SRD5A3: variants seen among roughly 807,000 people sequenced by gnomAD.
SRD5A3 encodes polyprenal reductase.
SRD5A3 carries 24 observed loss-of-function variants against 34.3 expected under a neutral mutation model. The ratio of observed to expected loss-of-function variants is 0.70; its 90% CI spans 0.51 to 0.99. The LOEUF is 0.99. Among genes scored for constraint, SRD5A3 ranks in the 50% least tolerant of loss-of-function variants. The probability of loss-of-function intolerance (pLI) is 0.00; values close to 1 mark genes in which losing one functional copy is unlikely to be tolerated. For synonymous variants in SRD5A3, 161 were observed against 167.3 expected (o/e 0.96, Z 0.29); for missense variants, 350 against 388.2 (o/e 0.90, Z 0.83).
intron 4 of SRD5A3, among the ~76,000 whole-genome samples, chr4:55,369,425 T>C (rs819266): frequency 0.28 from 42,674 of 152,098 alleles, 6,254 homozygotes; most frequent in South Asian, 0.4. Flanking sequence ...TGTATGATAC[T>C]CTTTTCTAAA....
chr4:55,369,947 G>T lies in SRD5A3; in HGVS notation c.813G>T (p.Gly271=). Residue 271 remains glycine (G), a synonymous_variant, in exon 5 of 5, where the codon GGG becomes GGT. Coordinates refer to ENST00000264228, the MANE Select transcript of SRD5A3 (RefSeq NM_024592.5). The part of the protein sequence containing the change: ...MIYVSMAVTF[G]FHNLTWWLVV... ...ACGTTTCCATGGCCGTCACCTTTGG[G>T]TTCCACAACTTAACTTGGTGGCTAG... 4 of 1,614,116 alleles carry T rather than the reference G, an allele frequency of 2.5e-6. No homozygotes were observed. The highest frequency in any genetic ancestry group is 3.4e-6 in the Non-Finnish European group (4 of 1,180,040).
intron 1 of SRD5A3, chr4:55,352,126 C>T: frequency 1.2e-6 from 1 of 809,640 alleles, no homozygotes; most frequent in Non-Finnish European, 2.2e-6. Flanking sequence ...ACTTGGTATA[C>T]AGACAGTCCA....
intron 2 of SRD5A3, among the ~76,000 whole-genome samples, chr4:55,361,918 G>T (rs1396941188): frequency 6.6e-6 from 1 of 152,094 alleles, no homozygotes; most frequent in East Asian, 1.9e-4. Context: ...GACTGACTGG[G>T]GTGTTTTGGT....
rs570987822 is a variant in SRD5A3 at position 55,363,795 on chromosome 4, G to A, written c.365-279G>A. 3.9e-5 allele frequency among the ~76,000 whole-genome samples: 6 copies of A among 152,268 alleles called. No homozygotes were observed. In the East Asian group the frequency reaches 1.2e-3, roughly 29 times the overall value. On this transcript the variant is annotated intron_variant, in intron 2 of 4. Coordinates refer to ENST00000264228, the MANE Select transcript of SRD5A3 (RefSeq NM_024592.5). Reference sequence around the variant, plus strand: ...CCAGAAACCCACAGACCTCTTCACAGACCTCCTGACCGTGATGTCCCTGAA... The same window carrying A: ...CCAGAAACCCACAGACCTCTTCACAAACCTCCTGACCGTGATGTCCCTGAA...
intron 1 of SRD5A3, among the ~76,000 whole-genome samples, chr4:55,349,353 A>T (rs1446536666): frequency 6.6e-6 from 1 of 152,206 alleles, no homozygotes; most frequent in African/African-American, 2.4e-5. Flanking sequence ...AGTACTCTTA[A>T]AAATGAAAAT....
intron 2 of SRD5A3, 83 bp downstream of exon 2, chr4:55,359,571 TCTC>T: frequency 6.3e-7 from 1 of 1,581,878 alleles, no homozygotes; most frequent in Non-Finnish European, 8.6e-7. Context: ...TGGCATTTTG[TCTC>T]CTCTCTCGGC....
chr4:55,366,635 A>G (rs965978276), intron 3 of SRD5A3: 1 of 152,246 alleles, frequency 6.6e-6, no homozygotes, highest in Non-Finnish European at 1.5e-5. Context: ...TCATTAACGG[A>G]TTCCTGCTTC....
intron 3 of SRD5A3, chr4:55,366,719 C>T (rs551607133): frequency 2.6e-5 from 4 of 152,342 alleles, no homozygotes; most frequent in South Asian, 4.1e-4. Context: ...CCCCTTGGCT[C>T]CAGAGCCTCA....
rs925486509 is a variant in SRD5A3, at chr4:55,346,332, G to C, written c.-5G>C. 2.1e-6 allele frequency: 3 copies of C among 1,442,968 alleles called. No individual in the cohort carries two copies. The highest frequency in any genetic ancestry group is 2.7e-6 in the Non-Finnish European group (3 of 1,101,010). The allele number at this position is 1,442,968 out of a possible 1,614,324, so 89.4% of individuals were successfully genotyped here. On this transcript the variant is annotated 5_prime_UTR_variant, in exon 1 of 5. Transcript: ENST00000264228. Reference sequence around the variant, plus strand: ...CCAGCAGCGCGGAAGGCGGGCACGCGGGCCATGGCTCCCTGGGCGGAGGCC... The same window carrying C: ...CCAGCAGCGCGGAAGGCGGGCACGCCGGCCATGGCTCCCTGGGCGGAGGCC...
chr4:55,356,351 A>G (rs568060380), intron 1 of SRD5A3, among the ~76,000 whole-genome samples: 6 of 152,306 alleles, frequency 3.9e-5, no homozygotes, highest in African/African-American at 1.4e-4. Context: ...GGTAAAATAC[A>G]CGTAACTTAA....
At chr4:55,350,018 T>C (rs1391062626) in intron 1 of SRD5A3, among the ~76,000 whole-genome samples, 1 of 152,172 alleles carries the variant, frequency 6.6e-6, no homozygotes, top group Non-Finnish European at 1.5e-5. Context: ...GTTTTCCTTG[T>C]TATGAGAACA....
At chr4:55,360,147 G>A (rs989724329) in intron 2 of SRD5A3, among the ~76,000 whole-genome samples, 1 of 151,798 alleles carries the variant, frequency 6.6e-6, no homozygotes, top group African/African-American at 2.4e-5. Flanking sequence ...CCCGAGAGGC[G>A]GAGCTTGCAG....
intron 1 of SRD5A3, among the ~76,000 whole-genome samples, chr4:55,351,230 C>T (rs113972388): frequency 0.013 from 2,043 of 151,914 alleles, 45 homozygotes; most frequent in African/African-American, 0.047. Context: ...TGCCACCATG[C>T]CCGGCCAGTT....
chr4:55,353,610 T>G (rs1447900323), intron 1 of SRD5A3, among the ~76,000 whole-genome samples: 1 of 152,180 alleles, frequency 6.6e-6, no homozygotes, highest in Admixed American at 6.5e-5. Flanking sequence ...ACTCTTTGGG[T>G]CTGCACTACC....
rs548236151 is a variant in SRD5A3 at position 55,356,331 on chromosome 4, T to C, written c.222-3015T>C. On this transcript the variant is annotated intron_variant, in intron 1 of 4. Transcript: ENST00000264228. Reference sequence around the variant, plus strand: ...GCCTCTTTTGCTGCCTTTTAAAATGTTTTTATTGTGGTAAAATACACGTAA... The same window carrying C: ...GCCTCTTTTGCTGCCTTTTAAAATGCTTTTATTGTGGTAAAATACACGTAA... Among the ~76,000 whole-genome samples the C allele has an allele frequency of 1.1e-4, 16 of 151,588 alleles. No homozygotes were observed. The East Asian group carries it at 3.1e-3, about 29-fold the overall frequency.
chr4:55,347,402 G>A (rs1283852679), intron 1 of SRD5A3, among the ~76,000 whole-genome samples: 1 of 152,196 alleles, frequency 6.6e-6, no homozygotes, highest in African/African-American at 2.4e-5. Context: ...GCTGAGGCAG[G>A]CGGATCGCTT....
intron 1 of SRD5A3, among the ~76,000 whole-genome samples, chr4:55,354,025 G>A (rs578119368): frequency 3.0e-4 from 45 of 152,314 alleles, no homozygotes; most frequent in Middle Eastern, 3.4e-3. Flanking sequence ...CCAGAACTCA[G>A]TAAACATTAA....
chr4:55,359,687 G>A (rs1200114235), intron 2 of SRD5A3, among the ~76,000 whole-genome samples, 199 bp downstream of exon 2: 2 of 152,192 alleles, frequency 1.3e-5, no homozygotes, highest in Admixed American at 6.5e-5. Flanking sequence ...CCTTCCCTGA[G>A]AAGGAGACAG....
At chr4:55,346,708 C>T (rs1001985924) in intron 1 of SRD5A3, 151 bp downstream of exon 1, 26 of 691,924 alleles carry the variant, frequency 3.8e-5, no homozygotes, top group Admixed American at 8.8e-5. Flanking sequence ...GCTCCCTCGG[C>T]CTGGCCCCGG....
Sources: allele counts gnomAD v4.1 joint callset (sites outside exome capture counted in the v4.1 genomes callset), GRCh38; gene constraint gnomAD v4.1.1; transcripts MANE v1.5; gene names NCBI Gene and HGNC (gene_info 2026-07-23, HGNC 2026-07-21).